PALM2AKAP2: variants seen among roughly 807,000 people sequenced by gnomAD.
The protein encoded by PALM2AKAP2 is PALM2 and AKAP2 fusion.
Under a neutral mutation model 71.5 loss-of-function variants are expected in PALM2AKAP2, and 37 were observed. That is an observed-to-expected ratio of 0.52 (90% CI 0.40 to 0.68). The LOEUF (loss-of-function observed/expected upper bound fraction) is 0.68, where lower values mean the gene tolerates loss of function less well. PALM2AKAP2 is among the 30% of genes least tolerant of loss of function. The pLI is 0.00. For missense variants in PALM2AKAP2, 1,224 were observed against 1,191.8 expected (o/e 1.03, Z -0.40); for synonymous variants, 468 against 478.8 (o/e 0.98, Z 0.29).
At chr9:110,037,088 T>A (rs1039245683) in intron 7 of PALM2AKAP2, among the ~76,000 whole-genome samples, 2 of 152,216 alleles carry the variant, frequency 1.3e-5, no homozygotes, top group Non-Finnish European at 2.9e-5. Flanking sequence ...TCCTGTTATC[T>A]ATGACATTCT....
At chr9:110,023,743 G>C (rs939235112) in intron 7 of PALM2AKAP2, among the ~76,000 whole-genome samples, 1 of 151,704 alleles carries the variant, frequency 6.6e-6, no homozygotes. Flanking sequence ...TGTAATCCCA[G>C]CACTTTGGGA....
At chr9:110,066,769 A>C (rs956900342) in intron 1 of PALM2AKAP2, among the ~76,000 whole-genome samples, 5 of 151,932 alleles carry the variant, frequency 3.3e-5, no homozygotes, top group Middle Eastern at 6.8e-3. Flanking sequence ...ACTAAAATAT[A>C]AAGGAGATAA....
At chr9:110,060,855 C>T (rs1396455052) in intron 1 of PALM2AKAP2, among the ~76,000 whole-genome samples, 1 of 152,212 alleles carries the variant, frequency 6.6e-6, no homozygotes, top group Non-Finnish European at 1.5e-5. Context: ...CCGCCTCAGC[C>T]TCCCAAAGTG....
At chr9:109,957,128 C>G (rs1447814527) in intron 6 of PALM2AKAP2, among the ~76,000 whole-genome samples, 2 of 152,174 alleles carry the variant, frequency 1.3e-5, no homozygotes, top group African/African-American at 4.8e-5. Flanking sequence ...CCAGTAAGAT[C>G]ACGATCGTTT....
intron 2 of PALM2AKAP2, among the ~76,000 whole-genome samples, chr9:109,878,946 A>G (rs1829779287): frequency 6.6e-6 from 1 of 152,220 alleles, no homozygotes; most frequent in African/African-American, 2.4e-5. Context: ...TATGTTGGTC[A>G]GGCTAGTCGC....
rs140449765 is a variant in PALM2AKAP2, at chr9:109,674,134, G to A, written c.5+33268G>A. Among the ~76,000 whole-genome samples, 418 of 151,790 alleles carry A rather than the reference G, an allele frequency of 2.8e-3. 1 individual carries two copies. The highest frequency in any genetic ancestry group is 4.3e-3 in the Admixed American group (65 of 15,238). On this transcript the variant is annotated intron_variant, in intron 1 of 6. Transcript: ENST00000374531. ...TGTTAATTTCATTCAATGAATTTTTGGTTCCAGATACTTTAGCTTTCTGTT... is the reference window on the plus strand; with the variant it reads ...TGTTAATTTCATTCAATGAATTTTTAGTTCCAGATACTTTAGCTTTCTGTT...
In PALM2AKAP2 at chr9:109,728,611, T is replaced by C. The variant is rs1828509445; in HGVS notation, c.6-51877T>C. 2.0e-5 allele frequency among the ~76,000 whole-genome samples: 3 copies of C among 152,358 alleles called. No individual in the cohort carries two copies. In the South Asian group the frequency reaches 6.2e-4, roughly 32 times the overall value. The stretch of plus-strand genomic sequence containing the variant: ...TTTGGGTGTTAGTTCTTCTTTAATA[T>C]GTACTCTCGAGAATTTTACTTGATC... On this transcript the variant is annotated intron_variant, in intron 1 of 6. Coordinates refer to the PALM2AKAP2 transcript ENST00000374531.
At chr9:109,688,840 C>T (rs1827839309) in intron 1 of PALM2AKAP2, among the ~76,000 whole-genome samples, 1 of 152,126 alleles carries the variant, frequency 6.6e-6, no homozygotes, top group African/African-American at 2.4e-5. Context: ...AAATTAGGCC[C>T]TGTAGAGAAG....
intron 1 of PALM2AKAP2, among the ~76,000 whole-genome samples, chr9:109,667,333 C>A (rs1827501690): frequency 6.6e-6 from 1 of 152,132 alleles, no homozygotes; most frequent in South Asian, 2.1e-4. Context: ...GAGTACCTAG[C>A]TGTAGGCTAG....
intron 1 of PALM2AKAP2, among the ~76,000 whole-genome samples, chr9:110,106,624 G>A (rs965056741): frequency 6.6e-6 from 1 of 152,142 alleles, no homozygotes; most frequent in African/African-American, 2.4e-5. Flanking sequence ...CATGATTGCA[G>A]GTACCTTGAG....
chr9:110,070,534 T>A (rs1307023436), intron 1 of PALM2AKAP2, among the ~76,000 whole-genome samples: 1 of 152,220 alleles, frequency 6.6e-6, no homozygotes, highest in Admixed American at 6.5e-5. Context: ...TCCTCTCATT[T>A]TTACAGACCA....
chr9:109,929,381 T>C (rs139141988), intron 5 of PALM2AKAP2, among the ~76,000 whole-genome samples: 144 of 152,202 alleles, frequency 9.5e-4, no homozygotes, highest in African/African-American at 3.4e-3. Flanking sequence ...CCTTCTTTCC[T>C]AAACTGACCC....
intron 2 of PALM2AKAP2, among the ~76,000 whole-genome samples, chr9:110,147,096 TA>T (rs1836192906): frequency 6.6e-6 from 1 of 151,648 alleles, no homozygotes; most frequent in South Asian, 2.1e-4. Context: ...ACCAAAAATA[TA>T]AAAATGAGCC....
At chr9:110,028,464 C>T (rs891492203) in intron 7 of PALM2AKAP2, among the ~76,000 whole-genome samples, 2 of 152,174 alleles carry the variant, frequency 1.3e-5, no homozygotes. Context: ...TACACCATCT[C>T]GTGTAATCCT....
chr9:110,027,525 G>T (rs886117478), intron 7 of PALM2AKAP2, among the ~76,000 whole-genome samples: 1 of 152,208 alleles, frequency 6.6e-6, no homozygotes, highest in African/African-American at 2.4e-5. Flanking sequence ...TTATTTACAT[G>T]TTCAATATTT....
At chr9:109,876,444 C>T (rs981733244) in intron 2 of PALM2AKAP2, among the ~76,000 whole-genome samples, 2 of 152,160 alleles carry the variant, frequency 1.3e-5, no homozygotes, top group Non-Finnish European at 1.5e-5. Context: ...ACAGGATTCT[C>T]TGAGACCAGG....
chr9:110,146,111 G>T (rs1482256537), intron 2 of PALM2AKAP2, among the ~76,000 whole-genome samples: 1 of 151,846 alleles, frequency 6.6e-6, no homozygotes, highest in Non-Finnish European at 1.5e-5. Context: ...TGTTAGCCAG[G>T]ATGGTCTCAA....
chr9:109,658,692 G>A (rs1827344768), intron 1 of PALM2AKAP2, among the ~76,000 whole-genome samples: 1 of 152,092 alleles, frequency 6.6e-6, no homozygotes, highest in Admixed American at 6.5e-5. Flanking sequence ...CATCTTACAT[G>A]GCAGCAAGCA....
chr9:110,162,169 G>A, intron 3 of PALM2AKAP2, 37 bp downstream of exon 10: 1 of 1,611,282 alleles, frequency 6.2e-7, no homozygotes, highest in Non-Finnish European at 8.5e-7. Context: ...CTTACTGAAT[G>A]CATGATCCAG....
Sources: allele counts gnomAD v4.1 joint callset (sites outside exome capture counted in the v4.1 genomes callset), GRCh38; gene constraint gnomAD v4.1.1; transcripts MANE v1.5; gene names NCBI Gene and HGNC (gene_info 2026-07-23, HGNC 2026-07-21).